The following C11orf71 variants were observed in gnomAD, a reference collection of about 807,000 sequenced individuals.
The protein encoded by C11orf71 is chromosome 11 open reading frame 71.
For missense variants in C11orf71, 179 were observed against 167.6 expected (o/e 1.07, Z -0.38); for synonymous variants, 72 against 73.4 (o/e 0.98, Z 0.09).
In C11orf71 at chr11:114,400,316, CA is replaced by C. The variant is rs766998280; in HGVS notation, c.15del (p.Asn5LysfsTer47). ...CTCTGATCACCGGAGGACAGGGACA[CA>C]TTGTTCAGGGCCATATTCAAACACT... MALN[N>X]VSLSSGDQRS... On this transcript the variant is annotated frameshift_variant, in exon 1 of 1. Transcript: ENST00000623205. LOFTEE classifies it low-confidence loss of function (END_TRUNC). The C allele has an allele frequency of 1.2e-6, 2 of 1,607,976 alleles. No individual in the cohort carries two copies. The highest frequency in any genetic ancestry group is 1.7e-6 in the Non-Finnish European group (2 of 1,177,396).
At chr11:114,395,604 T>G (rs913580881), downstream of C11orf71, among the ~76,000 whole-genome samples, 6 of 152,352 alleles carry the variant, frequency 3.9e-5, no homozygotes, top group African/African-American at 1.4e-4. Flanking sequence ...CCTTCAGATA[T>G]TCTAGTGAAA....
downstream of C11orf71, among the ~76,000 whole-genome samples, chr11:114,394,051 C>A (rs1175751800): frequency 6.6e-6 from 1 of 152,046 alleles, no homozygotes; most frequent in Non-Finnish European, 1.5e-5. Context: ...GCGATCTAGG[C>A]TCCCTGCAAG....
At chr11:114,391,609 A>G in exon 2 of C11orf71, 2 of 1,540,960 alleles carry the variant, frequency 1.3e-6, no homozygotes, top group African/African-American at 1.4e-5. Flanking sequence ...CTGCATGTTG[A>G]ACACCATCTT....
chr11:114,394,264 TTTCTTTTCTTTTC>T (rs1565256692), downstream of C11orf71, among the ~76,000 whole-genome samples: 8 of 59,732 alleles, frequency 1.3e-4, no homozygotes, highest in East Asian at 2.2e-3. Flanking sequence ...TTTCTTTTCT[TTTCTTTTCTTTTC>T]TTTTCTTTTC....
intron 1 of C11orf71, among the ~76,000 whole-genome samples, chr11:114,392,677 G>A (rs1172677369): frequency 6.7e-6 from 1 of 150,188 alleles, no homozygotes; most frequent in Non-Finnish European, 1.5e-5. Context: ...GTTACAGTGA[G>A]CCATGATCAC....
intron 1 of C11orf71, chr11:114,391,667 TA>T (rs978630403): frequency 5.2e-6 from 7 of 1,356,964 alleles, no homozygotes; most frequent in Admixed American, 2.1e-5. Flanking sequence ...AGGTAGTAAC[TA>T]AAATACACAA....
Position 114,400,321 on chromosome 11 carries a change from T to C in C11orf71, c.11A>G (p.Asn4Ser), listed in dbSNP as rs188164114. The change falls in exon 1 of 1, where the codon AAC (asparagine) becomes AGC (serine). Residue 4 changes from asparagine (N) to serine (S), a missense_variant. Transcript: ENST00000623205. ...ATCACCGGAGGACAGGGACACATTG[T>C]TCAGGGCCATATTCAAACACTGCCC... is the stretch of plus-strand genomic sequence containing the variant. MAL[N>S]NVSLSSGDQR... The C allele has an allele frequency of 7.2e-5, 115 of 1,606,092 alleles. No individual in the cohort carries two copies. In the African/African-American group the frequency reaches 1.5e-3, roughly 21 times the overall value.
At chr11:114,395,178 A>C (rs181353744), downstream of C11orf71, among the ~76,000 whole-genome samples, 164 of 152,224 alleles carry the variant, frequency 1.1e-3, no homozygotes, top group African/African-American at 3.8e-3. Context: ...CTATCCCTGG[A>C]ATTAGCTGTG....
downstream of C11orf71, among the ~76,000 whole-genome samples, chr11:114,394,654 C>G (rs71486264): frequency 0.12 from 18,734 of 151,860 alleles, 1,552 homozygotes; most frequent in South Asian, 0.24. Context: ...GTGATCCGGA[C>G]TCCTCGGCCT....
chr11:114,391,910 GTT>G (rs34102225), intron 1 of C11orf71, among the ~76,000 whole-genome samples: 2 of 143,078 alleles, frequency 1.4e-5, no homozygotes, highest in Admixed American at 7.0e-5. Context: ...AGTTAAAGCT[GTT>G]TTTTTTTTTT....
chr11:114,394,228 C>T (rs867226202), downstream of C11orf71, among the ~76,000 whole-genome samples: 1,554 of 48,596 alleles, frequency 0.032, 71 homozygotes, highest in African/African-American at 0.074. Context: ...CTTTTCTTTT[C>T]TTTCTTTTCT....
chr11:114,395,905 ATTGT>A (rs1183414612), downstream of C11orf71, among the ~76,000 whole-genome samples: 2 of 152,144 alleles, frequency 1.3e-5, no homozygotes, highest in South Asian at 2.1e-4. Flanking sequence ...AATTAGTAAC[ATTGT>A]TTGTTTAGAA....
At chr11:114,396,332 A>G (rs562170615), downstream of C11orf71, among the ~76,000 whole-genome samples, 1 of 152,360 alleles carries the variant, frequency 6.6e-6, no homozygotes, top group South Asian at 2.1e-4. Context: ...ATGACTCCCT[A>G]AGAAGGCAAT....
At chr11:114,393,555 C>A (rs1248175663), downstream of C11orf71, among the ~76,000 whole-genome samples, 1 of 152,110 alleles carries the variant, frequency 6.6e-6, no homozygotes, top group Non-Finnish European at 1.5e-5. Flanking sequence ...TTGTCAGTAC[C>A]TATCTGTATG....
At chr11:114,397,122 G>A (rs1383205535), downstream of C11orf71, among the ~76,000 whole-genome samples, 4 of 152,176 alleles carry the variant, frequency 2.6e-5, no homozygotes, top group Non-Finnish European at 4.4e-5. Flanking sequence ...ATGCTAGCCA[G>A]TTGCTTAGTA....
downstream of C11orf71, among the ~76,000 whole-genome samples, chr11:114,394,169 A>G (rs1946094012): frequency 9.8e-6 from 1 of 102,446 alleles, no homozygotes; most frequent in Non-Finnish European, 2.1e-5. Context: ...TTTGGTAGAG[A>G]CGGGGTTTCG....
chr11:114,391,453 T>C, exon 2 of C11orf71: 2 of 530,032 alleles, frequency 3.8e-6, no homozygotes, highest in Non-Finnish European at 6.0e-6. Context: ...TTTTGGCAAT[T>C]CTAGTTTTTT....
chr11:114,394,228 C>CCTTTCCTTTCTTTTCTTTTCTTTTCT (rs1946101542), downstream of C11orf71, among the ~76,000 whole-genome samples: 2 of 48,704 alleles, frequency 4.1e-5, no homozygotes, highest in Non-Finnish European at 7.3e-5. Flanking sequence ...CTTTTCTTTT[C>CCTTTCCTTTCTTTTCTTTTCTTTTCT]TTTCTTTTCT....
In C11orf71 at chr11:114,400,367, C is replaced by G. The variant is rs772422711; in HGVS notation, c.-36G>C. ...TGCCCGCAGTACTTGCGTTACGTCCCTTTGTGAAGGCAGGCCCTTCGCGGC... is the reference window on the plus strand; with the variant it reads ...TGCCCGCAGTACTTGCGTTACGTCCGTTTGTGAAGGCAGGCCCTTCGCGGC... On this transcript the variant is annotated 5_prime_UTR_variant, in exon 1 of 1. Coordinates refer to ENST00000623205, the MANE Select transcript of C11orf71 (RefSeq NM_001271562.2). 6.4e-7 allele frequency: 1 copy of G among 1,560,040 alleles called. No individual in the cohort carries two copies. Among genetic ancestry groups the G allele is most frequent in the East Asian group, 2.3e-5 (1 of 43,716 alleles).
Sources: allele counts gnomAD v4.1 joint callset (sites outside exome capture counted in the v4.1 genomes callset), GRCh38; gene constraint gnomAD v4.1.1; transcripts MANE v1.5; gene names NCBI Gene and HGNC (gene_info 2026-07-23, HGNC 2026-07-21).